The following OPRD1 variants were observed in gnomAD, a reference collection of about 807,000 sequenced individuals.
The protein encoded by OPRD1 is opioid receptor delta 1.
In OPRD1, 19 loss-of-function variants were observed where a neutral mutation model predicts 17.5. The observed-to-expected ratio is 1.09, with a 90% CI of 0.76 to 1.60. The LOEUF (loss-of-function observed/expected upper bound fraction) is 1.60. OPRD1 is among the 40% of genes most tolerant of loss of function. OPRD1 has a pLI of 0.00. For missense variants in OPRD1, 483 were observed against 547.2 expected (o/e 0.88, Z 1.17); for synonymous variants, 256 against 240.9 (o/e 1.06, Z -0.58).
Position 28,868,967 on chromosome 1 carries a change from CTCTT to C in OPRD1, c.*5686_*5689del, listed in dbSNP as rs2089196577. 1 of 152,242 alleles carries C rather than the reference CTCTT, an allele frequency of 6.6e-6. No individual in the cohort carries two copies. The highest frequency in any genetic ancestry group is 2.4e-5 in the African/African-American group (1 of 41,448). 9.4% of individuals were successfully genotyped at this position (152,242 alleles called of 1,614,324 possible). A position where few individuals can be genotyped will look rare whatever the true frequency, so the allele number is the denominator to read the frequency against. The stretch of plus-strand genomic sequence containing the variant: ...GGGTCTCTGTCCAAAGGCCAGCCCT[CTCTT>C]TGTGTCAGCCGCAGATCCCTCACCT... On this transcript the variant is annotated 3_prime_UTR_variant, in exon 3 of 3. Coordinates refer to ENST00000234961, the MANE Select transcript of OPRD1 (RefSeq NM_000911.4).
chr1:28,854,395 T>G (rs548490149), intron 1 of OPRD1, among the ~76,000 whole-genome samples: 85 of 149,990 alleles, frequency 5.7e-4, no homozygotes, highest in Non-Finnish European at 1.5e-4. Flanking sequence ...CCCAACTAAT[T>G]TTTTTTTTTT....
In OPRD1 at chr1:28,870,291, AC is replaced by A. The variant is rs2089206240; in HGVS notation, c.*7011del. 1 of 141,330 alleles carries A rather than the reference AC, an allele frequency of 7.1e-6. No homozygotes were observed. Among genetic ancestry groups the A allele is most frequent in the South Asian group, 2.2e-4 (1 of 4,614 alleles). The allele number at this position is 141,330 out of a possible 1,614,324, so 8.8% of individuals were successfully genotyped here. On this transcript the variant is annotated 3_prime_UTR_variant, in exon 3 of 3. Transcript: ENST00000234961. ...TTTTAAGACAGAGTCTCACTCTGTC[AC>A]CCAGGCTGAAGTGCAATGGCGAGAT...
Position 28,812,401 on chromosome 1 carries a change from C to A in OPRD1, c.18C>A (p.Ser6=), listed in dbSNP as rs569383798. The part of the protein sequence containing the change: MEPAP[S]AGAELQPPLF... The stretch of plus-strand genomic sequence containing the variant: ...CGGCAGCCATGGAACCGGCCCCCTC[C>A]GCCGGCGCCGAGCTGCAGCCCCCGC... Residue 6 remains serine, a synonymous_variant, in exon 1 of 3, where the codon TCC becomes TCA. Transcript: ENST00000234961. 1.0e-5 allele frequency: 15 copies of A among 1,440,312 alleles called. No individual in the cohort carries two copies. Among genetic ancestry groups the A allele is most frequent in the Non-Finnish European group, 1.4e-5 (15 of 1,103,466 alleles). The allele number at this position is 1,440,312 out of a possible 1,614,324, so 89.2% of individuals were successfully genotyped here. A position where few individuals can be genotyped will look rare whatever the true frequency, so the allele number is the denominator to read the frequency against.
intron 1 of OPRD1, among the ~76,000 whole-genome samples, chr1:28,852,164 T>TAAAAAAAAAAAAAAAAA (rs71030305): frequency 1.0e-4 from 9 of 86,742 alleles, no homozygotes; most frequent in East Asian, 3.5e-4. Context: ...AAACTCCATG[T>TAAAAAAAAAAAAAAAAA]AAAAAAAAAA....
intron 1 of OPRD1, among the ~76,000 whole-genome samples, chr1:28,850,708 A>G (rs1272748703): frequency 6.6e-6 from 1 of 151,376 alleles, no homozygotes; most frequent in East Asian, 1.9e-4. Flanking sequence ...GATTGAGCCT[A>G]GGAGGTTGAG....
At chr1:28,832,178 C>T (rs943069752) in intron 1 of OPRD1, among the ~76,000 whole-genome samples, 2 of 152,188 alleles carry the variant, frequency 1.3e-5, no homozygotes, top group Admixed American at 1.3e-4. Flanking sequence ...CTTTTTGATA[C>T]AGCCAGGGAT....
chr1:28,812,656 A>G, intron 1 of OPRD1, 46 bp downstream of exon 1: 2 of 1,414,054 alleles, frequency 1.4e-6, no homozygotes. Context: ...GCCCGGGGTG[A>G]GGGTGGGGAT....
At position 28,862,895 on chromosome 1, in the gene OPRD1, G is replaced by A. The variant is rs2089136156; in HGVS notation, c.731G>A (p.Arg244His). Residue 244 changes from arginine to histidine, a missense_variant, in exon 3 of 3, where the codon CGC (arginine) becomes CAC (histidine). Physicochemically the swap from Arg to His is conservative, Grantham distance 29. Coordinates refer to ENST00000234961, the MANE Select transcript of OPRD1 (RefSeq NM_000911.4). ...ATGCTGCTGCGCCTGCGCAGTGTGC[G>A]CCTGCTGTCGGGCTCCAAGGAGAAG... ...GLMLLRLRSV[R>H]LLSGSKEKDR... 1 of 1,612,406 alleles carries A rather than the reference G, an allele frequency of 6.2e-7. No individual in the cohort carries two copies. Among genetic ancestry groups the A allele is most frequent in the African/African-American group, 1.3e-5 (1 of 74,958 alleles).
At position 28,863,433 on chromosome 1, in the gene OPRD1, C is replaced by A; in HGVS notation, c.*150C>A. 1 of 910,938 alleles carries A rather than the reference C, an allele frequency of 1.1e-6. No individual in the cohort carries two copies. The highest frequency in any genetic ancestry group is 1.8e-5 in the African/African-American group (1 of 56,256). The allele number at this position is 910,938 out of a possible 1,614,324, so 56.4% of individuals were successfully genotyped here. The stretch of plus-strand genomic sequence containing the variant: ...TGGGGCCTCTGTTTCGGAGACGGGA[C>A]CGGGCCGCTAGATGGGCATGGGGTG... On this transcript the variant is annotated 3_prime_UTR_variant, in exon 3 of 3. Coordinates refer to ENST00000234961, the MANE Select transcript of OPRD1 (RefSeq NM_000911.4).
At chr1:28,828,550 G>T (rs988795242) in intron 1 of OPRD1, among the ~76,000 whole-genome samples, 1 of 152,016 alleles carries the variant, frequency 6.6e-6, no homozygotes, top group Non-Finnish European at 1.5e-5. Flanking sequence ...GGCTGGGTGC[G>T]GTGGCTCATA....
chr1:28,814,614 G>A (rs138509435), intron 1 of OPRD1, among the ~76,000 whole-genome samples: 3 of 152,250 alleles, frequency 2.0e-5, no homozygotes, highest in African/African-American at 4.8e-5. Flanking sequence ...TTTCCCCGGG[G>A]CCTCTGGCTG....
intron 1 of OPRD1, among the ~76,000 whole-genome samples, chr1:28,843,044 G>A (rs1047789818): frequency 2.4e-4 from 37 of 151,874 alleles, no homozygotes; most frequent in African/African-American, 8.7e-4. Context: ...ACTACACACT[G>A]GCTTGTATGC....
intron 2 of OPRD1, among the ~76,000 whole-genome samples, chr1:28,862,072 C>T (rs1024489883): frequency 2.0e-5 from 3 of 151,894 alleles, no homozygotes; most frequent in African/African-American, 7.3e-5. Context: ...CCACCATGCC[C>T]GGCTAATTTT....
At chr1:28,860,797 G>T (rs1172139158) in intron 2 of OPRD1, among the ~76,000 whole-genome samples, 1 of 152,134 alleles carries the variant, frequency 6.6e-6, no homozygotes, top group Admixed American at 6.6e-5. Flanking sequence ...GTTTGCAGAG[G>T]GTTGATGCTG....
chr1:28,859,996 T>C (rs1272582387), intron 2 of OPRD1, among the ~76,000 whole-genome samples: 4 of 152,180 alleles, frequency 2.6e-5, no homozygotes, highest in African/African-American at 9.7e-5. Flanking sequence ...CTCCTGTTGA[T>C]GGTTTCTGAA....
At chr1:28,827,545 A>G (rs935184432) in intron 1 of OPRD1, among the ~76,000 whole-genome samples, 6 of 152,108 alleles carry the variant, frequency 3.9e-5, no homozygotes, top group Non-Finnish European at 8.8e-5. Context: ...CTCATCCATT[A>G]AAGTTTTTTC....
intron 1 of OPRD1, among the ~76,000 whole-genome samples, chr1:28,826,704 G>A (rs2088771432): frequency 6.6e-6 from 1 of 152,106 alleles, no homozygotes; most frequent in African/African-American, 2.4e-5. Flanking sequence ...CAATATTGAT[G>A]GCTGCTGGTT....
chr1:28,820,813 A>G (rs975170976), intron 1 of OPRD1, among the ~76,000 whole-genome samples: 1 of 151,252 alleles, frequency 6.6e-6, no homozygotes, highest in African/African-American at 2.4e-5. Context: ...GCGAGATCCC[A>G]TATCTCAAAC....
chr1:28,812,722 T>C, intron 1 of OPRD1, 112 bp downstream of exon 1: 1 of 983,670 alleles, frequency 1.0e-6, no homozygotes, highest in Non-Finnish European at 1.4e-6. Context: ...CCGCATTTCC[T>C]GCAGGGGCAC....
Sources: allele counts gnomAD v4.1 joint callset (sites outside exome capture counted in the v4.1 genomes callset), GRCh38; gene constraint gnomAD v4.1.1; transcripts MANE v1.5; gene names NCBI Gene and HGNC (gene_info 2026-07-23, HGNC 2026-07-21).